Variants in CCDC51 observed in about 807,000 individuals in gnomAD.
CCDC51 encodes the protein coiled-coil domain containing 51, also known as mitochondrial potassium channel.
CCDC51 carries 25 observed loss-of-function variants against 24.8 expected under a neutral mutation model. The observed-to-expected ratio is 1.01, with a 90% CI of 0.73 to 1.41. The LOEUF (loss-of-function observed/expected upper bound fraction) is 1.41, where lower values mean the gene tolerates loss of function less well. Ranked by LOEUF, CCDC51 falls within the 40% of genes most tolerant of loss-of-function variation. The probability of loss-of-function intolerance (pLI) is 0.00; values close to 1 mark genes in which losing one functional copy is unlikely to be tolerated. For synonymous variants in CCDC51, 190 were observed against 204.3 expected (o/e 0.93, Z 0.60); for missense variants, 466 against 519.1 (o/e 0.90, Z 0.99).
chr3:48,440,569 AAG>A, upstream of CCDC51: 1 of 1,611,964 alleles, frequency 6.2e-7, no homozygotes, highest in South Asian at 1.1e-5. Context: ...CAGAAACAAA[AAG>A]AGGAGCAGAA....
At position 48,432,196 on chromosome 3, in the gene CCDC51, A is replaced by C; in HGVS notation, c.*212T>G. The stretch of plus-strand genomic sequence containing the variant: ...TGTTTTAAATAATAAAACTCAGGAT[A>C]TTTTAATTGGACATTAGCACAAAGT... On this transcript the variant is annotated 3_prime_UTR_variant, in exon 4 of 4. Coordinates refer to ENST00000395694, the MANE Select transcript of CCDC51 (RefSeq NM_001256964.2). The C allele has an allele frequency of 1.8e-6, 1 of 566,674 alleles. No individual in the cohort carries two copies. The allele number at this position is 566,674 out of a possible 1,614,324, so 35.1% of individuals were successfully genotyped here.
chr3:48,442,452 CT>C (rs904695197), upstream of CCDC51, among the ~76,000 whole-genome samples: 1,574 of 130,724 alleles, frequency 0.012, 17 homozygotes, highest in African/African-American at 0.025. Flanking sequence ...TAACCCTACA[CT>C]TTTTTTTTTT....
chr3:48,441,872 G>C (rs2039577741), upstream of CCDC51, among the ~76,000 whole-genome samples: 1 of 152,186 alleles, frequency 6.6e-6, no homozygotes, highest in Non-Finnish European at 1.5e-5. Context: ...CTCTCTCCCA[G>C]TGGGTTTGAT....
intron 1 of CCDC51, chr3:48,438,275 C>A (rs963060637): frequency 1.3e-5 from 2 of 152,052 alleles, no homozygotes; most frequent in African/African-American, 4.8e-5. Context: ...GAATTGTACA[C>A]ATTGCATGAA....
intron 2 of CCDC51, among the ~76,000 whole-genome samples, chr3:48,434,212 C>T (rs1285563825): frequency 6.6e-6 from 1 of 152,184 alleles, no homozygotes; most frequent in African/African-American, 2.4e-5. Flanking sequence ...ATAACAATGC[C>T]ATGAAAGGCA....
rs1409522520 is a variant in CCDC51, at chr3:48,433,660, T to G, written c.477+47A>C. On this transcript the variant is annotated intron_variant, in intron 3 of 3. Coordinates refer to ENST00000395694, the MANE Select transcript of CCDC51 (RefSeq NM_001256964.2). The surrounding 1 kb of genome is among the most constrained non-coding windows in gnomAD (Gnocchi z 4.4). ...CCGGCCCCTCCATGATCTGCCAGGC[T>G]AGGGTCACTGTCCAGGTGCGAAAGG... The G allele has an allele frequency of 6.3e-7, 1 of 1,584,298 alleles. No homozygotes were observed. Among genetic ancestry groups the G allele is most frequent in the Non-Finnish European group, 8.6e-7 (1 of 1,162,176 alleles).
At chr3:48,444,551 G>A (rs2039632679), upstream of CCDC51, among the ~76,000 whole-genome samples, 1 of 152,160 alleles carries the variant, frequency 6.6e-6, no homozygotes, top group Non-Finnish European at 1.5e-5. Context: ...GGGATTACAG[G>A]CATGAGCCAC....
Position 48,433,937 on chromosome 3 carries a change from C to T in CCDC51, c.313-66G>A. 6.4e-7 allele frequency: 1 copy of T among 1,560,690 alleles called. No individual in the cohort carries two copies. Among genetic ancestry groups the T allele is most frequent in the East Asian group, 2.3e-5 (1 of 44,234 alleles). ...ACACCCACACAGGCTCAGCTGCATT[C>T]CCAGCAAGGCATTCCCAGAAGAGGT... is the stretch of plus-strand genomic sequence containing the variant. On this transcript the variant is annotated intron_variant, in intron 2 of 3. Transcript: ENST00000395694. The surrounding 1 kb of genome is among the most constrained non-coding windows in gnomAD (Gnocchi z 4.4).
rs540270661 is a variant in CCDC51 at position 48,433,616 on chromosome 3, G to C, written c.477+91C>G. ...CCTCTGTACCAGGCCTCTGACTACA[G>C]ACCAGTCAGGGTTCCCACCCGGCCC... On this transcript the variant is annotated intron_variant, in intron 3 of 3. Transcript: ENST00000395694. The surrounding 1 kb of genome is among the most constrained non-coding windows in gnomAD (Gnocchi z 4.4). 1.4e-6 allele frequency: 2 copies of C among 1,388,472 alleles called. No individual in the cohort carries two copies. Among genetic ancestry groups the C allele is most frequent in the Non-Finnish European group, 2.0e-6 (2 of 1,008,412 alleles). The allele number at this position is 1,388,472 out of a possible 1,614,324, so 86.0% of individuals were successfully genotyped here. A position where few individuals can be genotyped will look rare whatever the true frequency, so the allele number is the denominator to read the frequency against.
At chr3:48,444,727 C>G (rs1311451817), upstream of CCDC51, among the ~76,000 whole-genome samples, 1 of 152,222 alleles carries the variant, frequency 6.6e-6, no homozygotes, top group Non-Finnish European at 1.5e-5. Flanking sequence ...CAAGGAACTT[C>G]TCTACTGTGG....
Position 48,432,641 on chromosome 3 carries a change from C to T in CCDC51, c.1003G>A (p.Ala335Thr), listed in dbSNP as rs1471332768. 1.2e-6 allele frequency: 2 copies of T among 1,614,258 alleles called. No individual in the cohort carries two copies. The highest frequency in any genetic ancestry group is 3.3e-5 in the Admixed American group (2 of 60,034). ...DGLEKTCSQMAGVVQLVKSAA... is the reference protein window; with the variant it reads ...DGLEKTCSQMTGVVQLVKSAA... ...GACTTTACAAGCTGAACCACCCCAGCCATTTGGCTACAAGTCTTTTCTAGG... is the reference window on the plus strand; with the variant it reads ...GACTTTACAAGCTGAACCACCCCAGTCATTTGGCTACAAGTCTTTTCTAGG... Residue 335 changes from alanine to threonine, a missense_variant, in exon 4 of 4, where the codon GCT becomes ACT. Transcript: ENST00000395694.
chr3:48,441,504 C>A (rs2039566408), upstream of CCDC51, among the ~76,000 whole-genome samples: 1 of 148,972 alleles, frequency 6.7e-6, no homozygotes, highest in Non-Finnish European at 1.5e-5. Flanking sequence ...TTTTTTCGTA[C>A]TGCTTATATT....
upstream of CCDC51, chr3:48,441,125 C>T (rs2039552967): frequency 1.3e-5 from 2 of 155,014 alleles, no homozygotes; most frequent in Non-Finnish European, 2.9e-5. Context: ...AAGCAATTCT[C>T]CTGCCTCAGC....
chr3:48,432,610 G>A lies in CCDC51; in HGVS notation c.1034C>T (p.Ala345Val), dbSNP rs1205681254. 9 of 1,614,242 alleles carry A rather than the reference G, an allele frequency of 5.6e-6. No individual in the cohort carries two copies. Among genetic ancestry groups the A allele is most frequent in the Non-Finnish European group, 5.9e-6 (7 of 1,180,048 alleles). ...AGVVQLVKSAAHPGLVEPADG... is the reference protein window; with the variant it reads ...AGVVQLVKSAVHPGLVEPADG... ...TGCTGGTTCCACCAGGCCTGGGTGTGCTGCAGACTTTACAAGCTGAACCAC... is the reference window on the plus strand; with the variant it reads ...TGCTGGTTCCACCAGGCCTGGGTGTACTGCAGACTTTACAAGCTGAACCAC... The change falls in exon 4 of 4, where the codon GCA becomes GTA. Residue 345 changes from alanine (A) to valine (V), a missense_variant. Coordinates refer to ENST00000395694, the MANE Select transcript of CCDC51 (RefSeq NM_001256964.2).
rs751774385 is a variant in CCDC51 at position 48,434,019 on chromosome 3, C to T, written c.313-148G>A. 9 of 1,432,654 alleles carry T rather than the reference C, an allele frequency of 6.3e-6. No individual in the cohort carries two copies. In the Admixed American group the frequency reaches 1.7e-4, roughly 28 times the overall value. 88.7% of individuals were successfully genotyped at this position (1,432,654 alleles called of 1,614,324 possible). ...GGAATTCCTTAGACACTAATCCTGG[C>T]TCACCCAGTGGTGCTCAAAGTGCAG... On this transcript the variant is annotated intron_variant, in intron 2 of 3. Coordinates refer to ENST00000395694, the MANE Select transcript of CCDC51 (RefSeq NM_001256964.2).
rs374959456 is a variant in CCDC51, at chr3:48,433,074, A to G, written c.570T>C (p.His190=). ...SLFSAAVRES[H]EKERTRAERT... ...TCTCAGCCCTTGTGCGCTCCTTCTCATGACTTTCCCGCACAGCTGCAGAGA... is the reference window on the plus strand; with the variant it reads ...TCTCAGCCCTTGTGCGCTCCTTCTCGTGACTTTCCCGCACAGCTGCAGAGA... Residue 190 remains histidine, a synonymous_variant, in exon 4 of 4, where the codon CAT becomes CAC. Coordinates refer to ENST00000395694, the MANE Select transcript of CCDC51 (RefSeq NM_001256964.2). The surrounding 1 kb of genome is among the most constrained non-coding windows in gnomAD (Gnocchi z 4.4). 6.4e-5 allele frequency: 103 copies of G among 1,614,134 alleles called. No homozygotes were observed. In the African/African-American group the frequency reaches 1.2e-3, roughly 19 times the overall value.
At chr3:48,446,622 G>T in the CCDC51 span, 1 of 440,520 alleles carries the variant, frequency 2.3e-6, no homozygotes, top group Non-Finnish European at 3.7e-6. Flanking sequence ...GCCGAATCCC[G>T]CCCGTGGACC....
chr3:48,440,266 G>A (rs748439562), upstream of CCDC51: 4 of 1,585,752 alleles, frequency 2.5e-6, no homozygotes, highest in Non-Finnish European at 2.6e-6. Context: ...CGTTTCCGGT[G>A]GCAGGGTCTG....
At chr3:48,443,029 C>A (rs1374964182), upstream of CCDC51, among the ~76,000 whole-genome samples, 1 of 151,814 alleles carries the variant, frequency 6.6e-6, no homozygotes, top group African/African-American at 2.4e-5. Context: ...CACTTGAGGT[C>A]TGGAGTTCGA....
Sources: allele counts gnomAD v4.1 joint callset (sites outside exome capture counted in the v4.1 genomes callset), GRCh38; gene constraint gnomAD v4.1.1; non-coding constraint Gnocchi (gnomAD v3.1); transcripts MANE v1.5; gene names NCBI Gene and HGNC (gene_info 2026-07-23, HGNC 2026-07-21).